UPP2: variants seen among roughly 807,000 people sequenced by gnomAD.
UPP2 encodes the protein UPase 2.
Under a neutral mutation model 26.7 loss-of-function variants are expected in UPP2, and 23 were observed. The observed-to-expected ratio is 0.86, with a 90% CI of 0.62 to 1.22. The LOEUF is 1.22. Among genes scored for constraint, UPP2 ranks in the 50% most tolerant of loss-of-function variants. The pLI is 0.00. For missense variants in UPP2, 387 were observed against 396.7 expected (o/e 0.98, Z 0.21); for synonymous variants, 127 against 141.3 (o/e 0.90, Z 0.72).
chr2:158,019,659 C>A (rs888288145), intron 3 of UPP2, among the ~76,000 whole-genome samples: 4 of 150,994 alleles, frequency 2.6e-5, no homozygotes, highest in African/African-American at 4.9e-5. Flanking sequence ...CACACACACA[C>A]ACACACACAC....
intron 6 of UPP2, among the ~76,000 whole-genome samples, chr2:158,131,927 T>TC (rs1330967669): frequency 2.6e-5 from 4 of 152,214 alleles, no homozygotes; most frequent in Non-Finnish European, 4.4e-5. Context: ...TCTTTGGCAT[T>TC]CCCCTTGAAA....
intron 3 of UPP2, among the ~76,000 whole-genome samples, chr2:158,039,021 G>A (rs1467349885): frequency 4.6e-5 from 7 of 152,172 alleles, no homozygotes; most frequent in African/African-American, 1.4e-4. Context: ...GATACTCCCT[G>A]TTCCCAATTA....
intron 3 of UPP2, among the ~76,000 whole-genome samples, chr2:158,048,502 G>A (rs2105169397): frequency 6.6e-6 from 1 of 152,320 alleles, no homozygotes; most frequent in African/African-American, 2.4e-5. Context: ...TACTTGGGAG[G>A]CTAAGGTGGG....
At chr2:158,001,531 T>C (rs1462157504) in intron 2 of UPP2, among the ~76,000 whole-genome samples, 1 of 152,106 alleles carries the variant, frequency 6.6e-6, no homozygotes, top group African/African-American at 2.4e-5. Context: ...GAAGCTATAG[T>C]GCAAAAGAGC....
chr2:158,003,370 T>C (rs1344487624), intron 2 of UPP2, among the ~76,000 whole-genome samples: 3 of 151,896 alleles, frequency 2.0e-5, no homozygotes, highest in African/African-American at 7.3e-5. Flanking sequence ...TTGAAGACAA[T>C]TGGAGCCAGC....
rs1333917612 is a variant in UPP2, at chr2:158,121,566, C to T, written c.612C>T (p.Pro204=). 8.7e-6 allele frequency: 14 copies of T among 1,613,530 alleles called. No individual in the cohort carries two copies. Among genetic ancestry groups the T allele is most frequent in the Non-Finnish European group, 1.2e-5 (14 of 1,179,512 alleles). The change falls in exon 5 of 7, where the codon CCC becomes CCT. Residue 204 remains proline, a synonymous_variant. Coordinates refer to ENST00000005756, the MANE Select transcript of UPP2 (RefSeq NM_173355.4). ...EELFNCSKEI[P]NFPTLVGHTM... is the part of the protein sequence containing the mutation. ...TGTTCAACTGTAGCAAAGAAATCCC[C>T]AACTTCCCAACCCTCGTTGGACATA...
chr2:158,061,836 C>A (rs1235229771), intron 3 of UPP2, among the ~76,000 whole-genome samples: 1 of 152,242 alleles, frequency 6.6e-6, no homozygotes, highest in African/African-American at 2.4e-5. Context: ...CCTTTGCGTG[C>A]ACAGATCAGG....
At chr2:158,034,542 A>AG (rs1429858775) in intron 3 of UPP2, among the ~76,000 whole-genome samples, 1 of 152,218 alleles carries the variant, frequency 6.6e-6, no homozygotes, top group Non-Finnish European at 1.5e-5. Flanking sequence ...TGTGACAGAC[A>AG]GAGGGCCTTG....
Position 158,135,670 on chromosome 2 carries a change from T to C in UPP2, c.*780T>C, listed in dbSNP as rs1278042824. On this transcript the variant is annotated 3_prime_UTR_variant, in exon 7 of 7. Transcript: ENST00000005756. The stretch of plus-strand genomic sequence containing the variant: ...TTAACCAAATAGGCTGAGAAATTCA[T>C]AGCAATTGAATTAAGACTTGAGTTC... 1 of 152,216 alleles carries C rather than the reference T, an allele frequency of 6.6e-6. No homozygotes were observed. The highest frequency in any genetic ancestry group is 1.5e-5 in the Non-Finnish European group (1 of 68,038). The allele number at this position is 152,216 out of a possible 1,614,324, so 9.4% of individuals were successfully genotyped here.
chr2:158,131,956 TAA>T (rs1327098892), intron 6 of UPP2, among the ~76,000 whole-genome samples: 1 of 152,230 alleles, frequency 6.6e-6, no homozygotes, highest in Non-Finnish European at 1.5e-5. Flanking sequence ...AGACATTTAG[TAA>T]AGTCGGTTCC....
At chr2:158,064,850 T>G (rs1313320318) in intron 3 of UPP2, among the ~76,000 whole-genome samples, 1 of 152,190 alleles carries the variant, frequency 6.6e-6, no homozygotes, top group Non-Finnish European at 1.5e-5. Flanking sequence ...AGGAATCTTT[T>G]CCCCATTGCT....
rs57028617 is a variant in UPP2 at position 158,093,271 on chromosome 2, TACACACACAC to T, written c.148-8743_148-8734del. Among the ~76,000 whole-genome samples, 524 of 137,518 alleles carry T rather than the reference TACACACACAC, an allele frequency of 3.8e-3. 4 individuals carry two copies. The highest frequency in any genetic ancestry group is 0.013 in the African/African-American group (487 of 36,876). 90.2% of individuals were successfully genotyped at this position (137,518 alleles called of 152,430 possible). ...TGTAGGAAGGCGGTAAAAAGAAACA[TACACACACAC>T]ACACACACACACACACACACACACA... is the stretch of plus-strand genomic sequence containing the variant. On this transcript the variant is annotated intron_variant, in intron 3 of 9. Transcript: ENST00000605860.
chr2:158,065,688 G>GTA (rs1264604290), intron 3 of UPP2: 5 of 624,518 alleles, frequency 8.0e-6, no homozygotes, highest in South Asian at 7.8e-5. Context: ...ATAGATAAGA[G>GTA]TATGTAAAGC....
At chr2:158,082,685 C>T (rs1682746737) in intron 3 of UPP2, among the ~76,000 whole-genome samples, 1 of 152,110 alleles carries the variant, frequency 6.6e-6, no homozygotes, top group Non-Finnish European at 1.5e-5. Context: ...AAAGCAATGG[C>T]AACAAAAGCC....
At chr2:158,067,357 A>C (rs1260433759) in intron 3 of UPP2, among the ~76,000 whole-genome samples, 1 of 148,978 alleles carries the variant, frequency 6.7e-6, no homozygotes, top group East Asian at 2.0e-4. Context: ...AAATAGTGAA[A>C]TGCATTTATC....
In UPP2 at chr2:158,110,585, G is replaced by A. The variant is rs557164400; in HGVS notation, c.180+4369G>A. ...ACTAGTTCTAGATCCTTGAGGACTC[G>A]CCACACTGTCTTCCACAATGGTTGA... On this transcript the variant is annotated intron_variant, in intron 2 of 6. Coordinates refer to ENST00000005756, the MANE Select transcript of UPP2 (RefSeq NM_173355.4). 5.3e-5 allele frequency among the ~76,000 whole-genome samples: 8 copies of A among 152,200 alleles called. No individual in the cohort carries two copies. In the East Asian group the frequency reaches 1.2e-3, roughly 22 times the overall value.
At chr2:158,111,123 G>A (rs752949812) in intron 2 of UPP2, among the ~76,000 whole-genome samples, 10 of 152,132 alleles carry the variant, frequency 6.6e-5, no homozygotes, top group Non-Finnish European at 7.4e-5. Flanking sequence ...TTTTCTTCTA[G>A]GGTTTTTATG....
intron 2 of UPP2, among the ~76,000 whole-genome samples, chr2:158,114,144 CAAA>C (rs1364760948): frequency 6.6e-6 from 1 of 152,172 alleles, no homozygotes; most frequent in Non-Finnish European, 1.5e-5. Context: ...TACCTAACCT[CAAA>C]GGGCAGACCC....
At chr2:158,084,667 T>C (rs1395560282) in intron 3 of UPP2, among the ~76,000 whole-genome samples, 1 of 152,212 alleles carries the variant, frequency 6.6e-6, no homozygotes, top group Non-Finnish European at 1.5e-5. Flanking sequence ...AGTTGACTTT[T>C]GAATAAGGTG....
Sources: allele counts gnomAD v4.1 joint callset (sites outside exome capture counted in the v4.1 genomes callset), GRCh38; gene constraint gnomAD v4.1.1; transcripts MANE v1.5; gene names NCBI Gene and HGNC (gene_info 2026-07-23, HGNC 2026-07-21).